Variants in ROBO1 observed in about 807,000 individuals in gnomAD.
ROBO1 encodes roundabout homolog 1.
In ROBO1, 149 loss-of-function variants were observed where a neutral mutation model predicts 195.9. The ratio of observed to expected loss-of-function variants is 0.76; its 90% CI spans 0.67 to 0.87. ROBO1 has a LOEUF of 0.87. Among genes scored for constraint, ROBO1 ranks in the 40% least tolerant of loss-of-function variants. ROBO1 has a pLI of 0.00. For synonymous variants in ROBO1, 816 were observed against 733.2 expected (o/e 1.11, Z -1.82); for missense variants, 1,933 against 2,068.3 (o/e 0.93, Z 1.27).
rs1396472781 is a variant in ROBO1, at chr3:79,463,375, A to C, written c.88+126449T>G. On this transcript the variant is annotated intron_variant, in intron 2 of 30. Coordinates refer to ENST00000464233, the MANE Select transcript of ROBO1 (RefSeq NM_002941.4). The stretch of plus-strand genomic sequence containing the variant: ...GGGTGACAGAGCAAGATTACATCTC[A>C]AAAAAAAAACATAAAACAAAAAACA... Among the ~76,000 whole-genome samples, 11 of 146,086 alleles carry C rather than the reference A, an allele frequency of 7.5e-5. No homozygotes were observed. In the East Asian group the frequency reaches 2.0e-3, roughly 26 times the overall value.
chr3:79,106,663 T>TAGACTTAATA (rs1484856208), intron 3 of ROBO1, among the ~76,000 whole-genome samples: 1 of 151,648 alleles, frequency 6.6e-6, no homozygotes, highest in East Asian at 1.9e-4. Flanking sequence ...TACTTCTGAG[T>TAGACTTAATA]TAACACGAGT....
intron 2 of ROBO1, among the ~76,000 whole-genome samples, chr3:79,431,391 A>G (rs1334201737): frequency 3.3e-5 from 5 of 152,112 alleles, no homozygotes. Flanking sequence ...TGGTCCCCCA[A>G]GTTTCTTGGC....
chr3:79,496,226 A>G (rs1939726198), intron 2 of ROBO1, among the ~76,000 whole-genome samples: 1 of 150,556 alleles, frequency 6.6e-6, no homozygotes, highest in South Asian at 2.1e-4. Context: ...AAAAAAAAAA[A>G]AAAAAAAAGA....
chr3:79,640,256 T>G (rs887240630), intron 1 of ROBO1, among the ~76,000 whole-genome samples: 2 of 152,178 alleles, frequency 1.3e-5, no homozygotes, highest in South Asian at 2.1e-4. Context: ...TATGACTCCA[T>G]TTTTGAGTGT....
At chr3:79,251,675 T>C (rs2082732397) in intron 2 of ROBO1, among the ~76,000 whole-genome samples, 1 of 151,664 alleles carries the variant, frequency 6.6e-6, no homozygotes. Flanking sequence ...CCCTTGAACC[T>C]GGAAGGCAGA....
intron 2 of ROBO1, among the ~76,000 whole-genome samples, chr3:79,400,407 C>A (rs1025331043): frequency 3.9e-5 from 6 of 151,992 alleles, no homozygotes; most frequent in African/African-American, 1.2e-4. Context: ...TATGGATTCC[C>A]AAAATTACCC....
chr3:79,415,353 A>C (rs1367392943), intron 2 of ROBO1, among the ~76,000 whole-genome samples: 1 of 152,134 alleles, frequency 6.6e-6, no homozygotes, highest in East Asian at 1.9e-4. Flanking sequence ...TAATAAAGTT[A>C]AAGAGAAGAT....
chr3:78,754,963 T>C (rs990033360), intron 4 of ROBO1, among the ~76,000 whole-genome samples: 3 of 152,122 alleles, frequency 2.0e-5, no homozygotes, highest in Non-Finnish European at 4.4e-5. Flanking sequence ...GGATGCCGTG[T>C]AGTGGTACCG....
intron 4 of ROBO1, among the ~76,000 whole-genome samples, chr3:78,794,364 T>C (rs569934335): frequency 2.4e-4 from 36 of 152,346 alleles, no homozygotes; most frequent in Middle Eastern, 3.4e-3. Flanking sequence ...ATATAAATGT[T>C]TACTATAACT....
At chr3:78,728,755 C>T (rs2082221424) in intron 5 of ROBO1, among the ~76,000 whole-genome samples, 1 of 152,138 alleles carries the variant, frequency 6.6e-6, no homozygotes, top group Non-Finnish European at 1.5e-5. Context: ...TGAAGAAAAG[C>T]CATAACTTGT....
chr3:78,831,207 G>A (rs1019285591), intron 4 of ROBO1, among the ~76,000 whole-genome samples: 6 of 152,148 alleles, frequency 3.9e-5, no homozygotes, highest in South Asian at 2.1e-4. Context: ...CACCATGCCC[G>A]GCCGGTAACC....
intron 2 of ROBO1, among the ~76,000 whole-genome samples, chr3:79,527,105 T>C (rs897654944): frequency 2.0e-5 from 3 of 152,076 alleles, no homozygotes; most frequent in Non-Finnish European, 4.4e-5. Flanking sequence ...CCAATGTGAG[T>C]AGATATTATG....
At chr3:78,691,212 T>C (rs1293620526) in intron 8 of ROBO1, among the ~76,000 whole-genome samples, 1 of 152,174 alleles carries the variant, frequency 6.6e-6, no homozygotes, top group Non-Finnish European at 1.5e-5. Context: ...TCAATTTAGA[T>C]TGAGAACACC....
At position 78,746,790 on chromosome 3, in the gene ROBO1, A is replaced by C; in HGVS notation, c.610T>G (p.Trp204Gly). ...TCCAGTGGAGAGCCATCTTTCTTCC[A>C]TGAAATGGTGGGCTCAGGATGGCCT... ...PRGHPEPTIS[W>G]KKDGSPLDDK... Residue 204 changes from tryptophan (W) to glycine (G), a missense_variant, in exon 5 of 31, where the codon TGG becomes GGG. Transcript: ENST00000464233. 1 of 1,580,906 alleles carries C rather than the reference A, an allele frequency of 6.3e-7. No individual in the cohort carries two copies. The highest frequency in any genetic ancestry group is 8.6e-7 in the Non-Finnish European group (1 of 1,158,030).
At chr3:79,613,781 C>T (rs1167557467) in intron 1 of ROBO1, among the ~76,000 whole-genome samples, 1 of 151,894 alleles carries the variant, frequency 6.6e-6, no homozygotes, top group East Asian at 1.9e-4. Context: ...GAGTGAAACA[C>T]ACAATAAATA....
chr3:79,453,413 A>T (rs1055634890), intron 2 of ROBO1, among the ~76,000 whole-genome samples: 1 of 152,096 alleles, frequency 6.6e-6, no homozygotes, highest in African/African-American at 2.4e-5. Context: ...TAGACCACAC[A>T]ACTATTCAGT....
At chr3:79,027,976 C>A (rs2078231507) in intron 3 of ROBO1, among the ~76,000 whole-genome samples, 1 of 151,956 alleles carries the variant, frequency 6.6e-6, no homozygotes, top group South Asian at 2.1e-4. Context: ...ACGAAGATTT[C>A]TAAATATTAC....
intron 1 of ROBO1, among the ~76,000 whole-genome samples, chr3:79,664,493 A>C (rs28531737): frequency 0.032 from 4,927 of 152,022 alleles, 224 homozygotes; most frequent in African/African-American, 0.1. Context: ...TTCCCCTCCT[A>C]ACTTAATGTC....
intron 3 of ROBO1, among the ~76,000 whole-genome samples, chr3:78,983,832 C>A (rs947974568): frequency 2.6e-5 from 4 of 152,012 alleles, no homozygotes; most frequent in Non-Finnish European, 5.9e-5. Flanking sequence ...ACTGGAGTGG[C>A]AGGGGTAAAG....
Sources: gnomAD v4.1 joint callset for allele counts (sites outside exome capture counted in the v4.1 genomes callset) on GRCh38, gnomAD v4.1.1 for gene constraint, MANE v1.5 for transcripts, NCBI Gene and HGNC (gene_info 2026-07-23, HGNC 2026-07-21) for gene names.